Variants in PDE10A observed in about 807,000 individuals in gnomAD.
PDE10A encodes cAMP and cAMP-inhibited cGMP 3',5'-cyclic phosphodiesterase 10A.
A neutral mutation model predicts 97.7 loss-of-function variants in PDE10A; 39 were observed. That is an observed-to-expected ratio of 0.40 (90% CI 0.31 to 0.52). The LOEUF (loss-of-function observed/expected upper bound fraction) is 0.52. Ranked by LOEUF, PDE10A falls within the 20% of genes least tolerant of loss-of-function variation. The pLI, the probability that PDE10A is intolerant of heterozygous loss-of-function variation, is 0.56. For missense variants in PDE10A, 731 were observed against 1,047.8 expected (o/e 0.70, Z 4.17); for synonymous variants, 371 against 376.8 (o/e 0.98, Z 0.18).
At chr6:165,986,866 AAAT>A (rs942334863) in intron 1 of PDE10A, among the ~76,000 whole-genome samples, 1 of 152,106 alleles carries the variant, frequency 6.6e-6, no homozygotes, top group Non-Finnish European at 1.5e-5. Context: ...GGCATGAAGA[AAAT>A]AAAATGCTGC....
intron 1 of PDE10A, among the ~76,000 whole-genome samples, chr6:165,696,751 T>C (rs1231338329): frequency 6.6e-6 from 1 of 152,158 alleles, no homozygotes; most frequent in Non-Finnish European, 1.5e-5. Flanking sequence ...AAACTAGTCG[T>C]TGTAAATATG....
chr6:165,333,729 C>T (rs1781477621), intron 21 of PDE10A, among the ~76,000 whole-genome samples: 1 of 152,196 alleles, frequency 6.6e-6, no homozygotes, highest in South Asian at 2.1e-4. Context: ...CTCGAGTCCT[C>T]TAATCTTTCT....
chr6:165,693,542 A>AAAC (rs1791363025), intron 1 of PDE10A, among the ~76,000 whole-genome samples: 1 of 151,344 alleles, frequency 6.6e-6, no homozygotes, highest in Non-Finnish European at 1.5e-5. Context: ...AAAAAAAAAA[A>AAAC]AAAAAAAAAA....
rs538262988 is a variant in PDE10A, at chr6:165,961,934, G to A, written c.-615+25595C>T. ...ACATGAACCCAAGTCACCAACTGGC[G>A]TGACTTTTGTGGAGCATTATTTGCC... On this transcript the variant is annotated intron_variant, in intron 1 of 19. Coordinates refer to the PDE10A transcript ENST00000366882. Among the ~76,000 whole-genome samples the A allele has an allele frequency of 4.6e-5, 7 of 152,318 alleles. No individual in the cohort carries two copies. In the East Asian group the frequency reaches 5.8e-4, roughly 13 times the overall value.
intron 1 of PDE10A, among the ~76,000 whole-genome samples, chr6:165,903,583 G>A (rs1158523299): frequency 1.3e-5 from 2 of 152,240 alleles, no homozygotes; most frequent in African/African-American, 2.4e-5. Context: ...TCAATAAGAC[G>A]TCCATGTGCA....
chr6:165,713,114 G>T (rs184073731), intron 1 of PDE10A, among the ~76,000 whole-genome samples: 7 of 151,854 alleles, frequency 4.6e-5, no homozygotes, highest in Non-Finnish European at 8.8e-5. Flanking sequence ...CAAAGTCAGC[G>T]AGGCTTGAGA....
upstream of PDE10A, among the ~76,000 whole-genome samples, chr6:165,667,680 G>C (rs537352745): frequency 6.7e-6 from 1 of 149,554 alleles, no homozygotes; most frequent in Non-Finnish European, 1.5e-5. Flanking sequence ...TGACAGAAAC[G>C]TGTGTTTCTT....
intron 1 of PDE10A, among the ~76,000 whole-genome samples, chr6:165,776,781 G>C (rs778968264): frequency 6.6e-6 from 1 of 152,198 alleles, no homozygotes; most frequent in Non-Finnish European, 1.5e-5. Flanking sequence ...GAGGGCCACA[G>C]AGCAGAGAGG....
intron 1 of PDE10A, among the ~76,000 whole-genome samples, chr6:165,573,438 T>C (rs762333773): frequency 1.2e-4 from 19 of 152,340 alleles, no homozygotes; most frequent in Non-Finnish European, 2.5e-4. Flanking sequence ...CATTAAATGT[T>C]ACTGAAATGA....
intron 1 of PDE10A, among the ~76,000 whole-genome samples, chr6:165,975,252 C>T (rs144542987): frequency 3.2e-4 from 48 of 152,304 alleles, no homozygotes; most frequent in African/African-American, 1.1e-3. Context: ...TAAAAGTCCC[C>T]CTTAGCCTTT....
intron 1 of PDE10A, among the ~76,000 whole-genome samples, chr6:165,911,434 C>T (rs571984568): frequency 6.6e-6 from 1 of 152,172 alleles, no homozygotes; most frequent in East Asian, 1.9e-4. Flanking sequence ...TTCCCCCGAA[C>T]AAACTATGTA....
At chr6:165,374,567 C>G (rs1784489893) in intron 18 of PDE10A, among the ~76,000 whole-genome samples, 1 of 151,924 alleles carries the variant, frequency 6.6e-6, no homozygotes, top group African/African-American at 2.4e-5. Context: ...ATCTTCAATA[C>G]AGTGAGTGGT....
intron 1 of PDE10A, among the ~76,000 whole-genome samples, chr6:165,837,535 T>G (rs1415707612): frequency 6.6e-6 from 1 of 152,232 alleles, no homozygotes; most frequent in East Asian, 1.9e-4. Flanking sequence ...AGTAAACATT[T>G]GCTGCCAGAG....
intron 1 of PDE10A, among the ~76,000 whole-genome samples, chr6:165,656,141 G>C (rs960320246): frequency 6.6e-6 from 1 of 151,814 alleles, no homozygotes; most frequent in Non-Finnish European, 1.5e-5. Context: ...TACTACCAAG[G>C]AGGCTGCTTA....
chr6:165,639,453 G>A (rs1048164150), intron 1 of PDE10A, among the ~76,000 whole-genome samples: 1 of 152,038 alleles, frequency 6.6e-6, no homozygotes, highest in Non-Finnish European at 1.5e-5. Flanking sequence ...AAAATGAAGA[G>A]AGGGCAGGAT....
chr6:165,842,000 AC>A (rs1295870824), intron 1 of PDE10A, among the ~76,000 whole-genome samples: 1 of 152,158 alleles, frequency 6.6e-6, no homozygotes, highest in Non-Finnish European at 1.5e-5. Flanking sequence ...TTAGAAAAAA[AC>A]TCTGATAGAA....
intron 3 of PDE10A, among the ~76,000 whole-genome samples, chr6:165,460,297 T>C (rs1265671132): frequency 6.6e-6 from 1 of 152,196 alleles, no homozygotes; most frequent in Admixed American, 6.5e-5. Flanking sequence ...GAGTCATTGA[T>C]TCAGATTACA....
At chr6:165,874,357 G>A (rs1293680744) in intron 1 of PDE10A, among the ~76,000 whole-genome samples, 1 of 136,594 alleles carries the variant, frequency 7.3e-6, no homozygotes, top group African/African-American at 2.8e-5. Flanking sequence ...TGGTGGAAGA[G>A]AACTTATTTC....
At chr6:165,387,813 C>G (rs571505598) in intron 17 of PDE10A, among the ~76,000 whole-genome samples, 1 of 152,220 alleles carries the variant, frequency 6.6e-6, no homozygotes, top group Non-Finnish European at 1.5e-5. Context: ...GCGTATATAT[C>G]CCATGTTGAA....
Sources: gnomAD v4.1 joint callset for allele counts (sites outside exome capture counted in the v4.1 genomes callset) on GRCh38, gnomAD v4.1.1 for gene constraint, MANE v1.5 for transcripts, NCBI Gene and HGNC (gene_info 2026-07-23, HGNC 2026-07-21) for gene names.